TAOK3: variants seen among roughly 807,000 people sequenced by gnomAD.
The protein encoded by TAOK3 is serine/threonine-protein kinase TAO3.
TAOK3 carries 40 observed loss-of-function variants against 120.4 expected under a neutral mutation model. The observed-to-expected ratio is 0.33, with a 90% CI of 0.26 to 0.43. TAOK3 has a LOEUF of 0.43. Among genes scored for constraint, TAOK3 ranks in the 20% least tolerant of loss-of-function variants. The pLI, the probability that TAOK3 is intolerant of heterozygous loss-of-function variation, is 1.00. For synonymous variants in TAOK3, 355 were observed against 387.5 expected (o/e 0.92, Z 0.99); for missense variants, 821 against 1,112.1 (o/e 0.74, Z 3.72).
intron 17 of TAOK3, among the ~76,000 whole-genome samples, chr12:118,171,176 T>A (rs377433434): frequency 2.0e-5 from 3 of 152,172 alleles, no homozygotes; most frequent in East Asian, 3.9e-4. Flanking sequence ...GAAATTCCCA[T>A]ATCTATTTGG....
intron 3 of TAOK3, among the ~76,000 whole-genome samples, chr12:118,254,252 T>C (rs560170541): frequency 6.6e-6 from 1 of 152,304 alleles, no homozygotes; most frequent in East Asian, 1.9e-4. Flanking sequence ...TAAAAATCAC[T>C]GTCAGTCCCT....
intron 9 of TAOK3, among the ~76,000 whole-genome samples, chr12:118,231,934 G>GA (rs1454444159): frequency 6.9e-6 from 1 of 144,442 alleles, no homozygotes; most frequent in Non-Finnish European, 1.5e-5. Flanking sequence ...AAAAAAAAAA[G>GA]AAAAAAAGAA....
At chr12:118,235,236 C>T (rs1345584561) in intron 8 of TAOK3, among the ~76,000 whole-genome samples, 1 of 152,110 alleles carries the variant, frequency 6.6e-6, no homozygotes, top group African/African-American at 2.4e-5. Context: ...CTGTCCTTAC[C>T]TGGAGGCTTT....
chr12:118,255,003 C>T (rs1486614946), intron 3 of TAOK3, among the ~76,000 whole-genome samples: 1 of 152,110 alleles, frequency 6.6e-6, no homozygotes, highest in Non-Finnish European at 1.5e-5. Context: ...ACCTCGTGAT[C>T]TGCCCGCCTC....
At chr12:118,221,836 G>T (rs2039248828) in intron 9 of TAOK3, among the ~76,000 whole-genome samples, 1 of 151,434 alleles carries the variant, frequency 6.6e-6, no homozygotes, top group Non-Finnish European at 1.5e-5. Flanking sequence ...GGGTTTCACT[G>T]TGTTAGCCAG....
At chr12:118,169,867 C>T (rs528662495) in intron 17 of TAOK3, among the ~76,000 whole-genome samples, 4 of 152,160 alleles carry the variant, frequency 2.6e-5, no homozygotes, top group African/African-American at 9.6e-5. Context: ...ACTACAGATG[C>T]CTGCCACTGC....
chr12:118,290,089 T>C (rs958248726), intron 1 of TAOK3, among the ~76,000 whole-genome samples: 1 of 152,042 alleles, frequency 6.6e-6, no homozygotes, highest in Non-Finnish European at 1.5e-5. Context: ...ATGGAACCCA[T>C]CCTCTATACT....
At chr12:118,171,250 A>C (rs2035976189) in intron 17 of TAOK3, among the ~76,000 whole-genome samples, 1 of 152,218 alleles carries the variant, frequency 6.6e-6, no homozygotes, top group Non-Finnish European at 1.5e-5. Flanking sequence ...CTATCCCCAC[A>C]GCCTCTTCCA....
intron 5 of TAOK3, among the ~76,000 whole-genome samples, chr12:118,241,087 T>G (rs1028760794): frequency 2.0e-5 from 3 of 150,020 alleles, no homozygotes; most frequent in African/African-American, 7.3e-5. Context: ...ATTTATATAT[T>G]ACATATGATT....
chr12:118,202,705 A>T (rs555322283), intron 11 of TAOK3, among the ~76,000 whole-genome samples: 1 of 151,232 alleles, frequency 6.6e-6, no homozygotes, highest in Non-Finnish European at 1.5e-5. Flanking sequence ...AAGAAGTAGG[A>T]GGTAGGCTTG....
chr12:118,157,506 T>C (rs145219691), intron 19 of TAOK3, among the ~76,000 whole-genome samples: 71 of 152,346 alleles, frequency 4.7e-4, no homozygotes, highest in Admixed American at 4.6e-3. Context: ...AAAGTGCCAC[T>C]GCCTTCCCAA....
chr12:118,370,357 C>T (rs999048909), intron 1 of TAOK3, among the ~76,000 whole-genome samples: 11 of 152,174 alleles, frequency 7.2e-5, no homozygotes, highest in African/African-American at 2.7e-4. Context: ...ATATGTAAGG[C>T]ATCTGCATTA....
intron 1 of TAOK3, among the ~76,000 whole-genome samples, chr12:118,344,923 CTTG>C (rs2044789860): frequency 6.6e-6 from 1 of 152,080 alleles, no homozygotes; most frequent in Non-Finnish European, 1.5e-5. Flanking sequence ...TTAACTTCCT[CTTG>C]TTAATACCCA....
chr12:118,308,967 T>C (rs2043160166), intron 1 of TAOK3, among the ~76,000 whole-genome samples: 1 of 139,658 alleles, frequency 7.2e-6, no homozygotes, highest in Admixed American at 7.2e-5. Context: ...AAAGCCTGTA[T>C]GGTTGTAATT....
At chr12:118,370,075 A>T (rs1316496686) in intron 1 of TAOK3, among the ~76,000 whole-genome samples, 1 of 152,012 alleles carries the variant, frequency 6.6e-6, no homozygotes, top group Non-Finnish European at 1.5e-5. Flanking sequence ...GGGTTTCATC[A>T]TGTTGGCCAG....
Position 118,177,334 on chromosome 12 carries a change from T to C in TAOK3, c.1567-5A>G, listed in dbSNP as rs745757737. 2 of 1,612,946 alleles carry C rather than the reference T, an allele frequency of 1.2e-6. No homozygotes were observed. The highest frequency in any genetic ancestry group is 1.3e-5 in the African/African-American group (1 of 74,910). On this transcript the variant is annotated splice_polypyrimidine_tract_variant and splice_region_variant and intron_variant, in intron 15 of 20. Coordinates refer to ENST00000392533, the MANE Select transcript of TAOK3 (RefSeq NM_016281.4). ...ATCTGCTGCAGCTACCTTTGCCTGA[T>C]AAAATAACAAATACAATGTAGGATG...
At chr12:118,222,902 C>T (rs2039305997) in intron 9 of TAOK3, among the ~76,000 whole-genome samples, 1 of 152,046 alleles carries the variant, frequency 6.6e-6, no homozygotes, top group South Asian at 2.1e-4. Context: ...AACAAAAAAA[C>T]ACCTGCACTA....
intron 19 of TAOK3, among the ~76,000 whole-genome samples, chr12:118,153,528 A>G (rs1206891915): frequency 6.6e-6 from 1 of 152,180 alleles, no homozygotes; most frequent in Non-Finnish European, 1.5e-5. Flanking sequence ...CTGCGTGGAG[A>G]ATGAACCAAG....
chr12:118,212,446 T>C (rs1044988927), intron 11 of TAOK3, among the ~76,000 whole-genome samples: 1 of 152,224 alleles, frequency 6.6e-6, no homozygotes, highest in Non-Finnish European at 1.5e-5. Flanking sequence ...ATCACTAACA[T>C]GTCATAATAC....
Sources: allele counts gnomAD v4.1 joint callset (sites outside exome capture counted in the v4.1 genomes callset), GRCh38; gene constraint gnomAD v4.1.1; transcripts MANE v1.5; gene names NCBI Gene and HGNC (gene_info 2026-07-23, HGNC 2026-07-21).